The following NPNT variants were observed in gnomAD, a reference collection of about 807,000 sequenced individuals.
NPNT encodes the protein nephronectin.
Under a neutral mutation model 68.6 loss-of-function variants are expected in NPNT, and 45 were observed. The observed-to-expected ratio is 0.66, with a 90% CI of 0.52 to 0.84. The LOEUF is 0.84. NPNT is among the 40% of genes least tolerant of loss of function. NPNT has a pLI of 0.00. For synonymous variants in NPNT, 233 were observed against 253.3 expected (o/e 0.92, Z 0.76); for missense variants, 672 against 714.8 (o/e 0.94, Z 0.68).
At chr4:105,923,345 G>A (rs1728405946) in intron 2 of NPNT, among the ~76,000 whole-genome samples, 1 of 151,966 alleles carries the variant, frequency 6.6e-6, no homozygotes, top group Non-Finnish European at 1.5e-5. Context: ...TGAGTATATG[G>A]TATTGTAGGT....
intron 2 of NPNT, among the ~76,000 whole-genome samples, chr4:105,903,797 T>G (rs1726633782): frequency 6.6e-6 from 1 of 150,868 alleles, no homozygotes; most frequent in Non-Finnish European, 1.5e-5. Flanking sequence ...TTTTTTTTTT[T>G]TTTTTGAGAT....
At chr4:105,933,319 G>T (rs1245281318) in intron 3 of NPNT, among the ~76,000 whole-genome samples, 2 of 152,166 alleles carry the variant, frequency 1.3e-5, no homozygotes, top group Non-Finnish European at 2.9e-5. Context: ...TCTTCGTCAT[G>T]CTGGAAAGCT....
Position 105,947,766 on chromosome 4 carries a change from T to C in NPNT, c.1159+5064T>C, listed in dbSNP as rs77560570. The stretch of plus-strand genomic sequence containing the variant: ...TCTTGTTGACTGGTCCTTTGAACAT[T>C]CTTTATTTTCCAAATCTGTCACAAA... On this transcript the variant is annotated intron_variant, in intron 8 of 11. Transcript: ENST00000379987. Among the ~76,000 whole-genome samples the C allele has an allele frequency of 1.3e-3, 195 of 152,292 alleles. 2 individuals carry two copies. The highest frequency in any genetic ancestry group is 4.5e-3 in the African/African-American group (185 of 41,556).
In NPNT at chr4:105,958,696, T is replaced by C. The variant is rs1000387215; in HGVS notation, c.1246+139T>C. On this transcript the variant is annotated intron_variant, in intron 9 of 11. Coordinates refer to ENST00000379987, the MANE Select transcript of NPNT (RefSeq NM_001033047.3). ...TTAACAACTCAGATTTTCTTTGTAG[T>C]TAAATCAGTTGAGCAAAAATAATTA... is the stretch of plus-strand genomic sequence containing the variant. 9.4e-6 allele frequency: 5 copies of C among 533,286 alleles called. No homozygotes were observed. In the African/African-American group the frequency reaches 9.7e-5, roughly 10 times the overall value. 33.0% of individuals were successfully genotyped at this position (533,286 alleles called of 1,614,324 possible). A position where few individuals can be genotyped will look rare whatever the true frequency, so the allele number is the denominator to read the frequency against.
At chr4:105,964,378 T>C (rs1337609583) in intron 10 of NPNT, among the ~76,000 whole-genome samples, 2 of 152,224 alleles carry the variant, frequency 1.3e-5, no homozygotes, top group Non-Finnish European at 2.9e-5. Context: ...CATTATTTAA[T>C]ATATGTTAGA....
At chr4:105,939,333 G>A (rs894789282) in intron 5 of NPNT, among the ~76,000 whole-genome samples, 2 of 152,190 alleles carry the variant, frequency 1.3e-5, no homozygotes, top group African/African-American at 2.4e-5. Flanking sequence ...AGGGCACTGC[G>A]GTGAGAGAGA....
intron 2 of NPNT, 129 bp from the exon 3 acceptor site, chr4:105,927,207 T>C (rs1728751063): frequency 1.7e-6 from 1 of 584,272 alleles, no homozygotes; most frequent in African/African-American, 1.9e-5. Flanking sequence ...ACTGATTTTG[T>C]ATACTTTGGC....
chr4:105,965,629 T>C (rs1365758265), intron 10 of NPNT, among the ~76,000 whole-genome samples: 67 of 152,134 alleles, frequency 4.4e-4, no homozygotes, highest in Admixed American at 4.1e-3. Flanking sequence ...TTAACCAGAG[T>C]ACCTGTGATG....
intron 2 of NPNT, among the ~76,000 whole-genome samples, chr4:105,900,776 G>A (rs747180814): frequency 4.7e-5 from 7 of 150,200 alleles, no homozygotes; most frequent in South Asian, 2.1e-4. Context: ...AGCATGACCC[G>A]TTCCAGAAAT....
intron 8 of NPNT, among the ~76,000 whole-genome samples, chr4:105,957,370 C>T (rs1196565387): frequency 6.6e-6 from 1 of 152,066 alleles, no homozygotes; most frequent in African/African-American, 2.4e-5. Context: ...CCACAGTGGT[C>T]GGCATCTGCT....
chr4:105,941,785 C>T (rs1479630877), intron 7 of NPNT, among the ~76,000 whole-genome samples: 1 of 152,152 alleles, frequency 6.6e-6, no homozygotes, highest in Non-Finnish European at 1.5e-5. Context: ...AGAACATTTA[C>T]TCAAGCTGTA....
rs774575903 is a variant in NPNT, at chr4:105,967,221, C to A, written c.1379C>A (p.Ala460Asp). 3 of 1,613,740 alleles carry A rather than the reference C, an allele frequency of 1.9e-6. No individual in the cohort carries two copies. In the African/African-American group the frequency reaches 4.0e-5, roughly 22 times the overall value. ...TATCTGACAGTGTCGGCAGCCAAAG[C>A]CCCAGGGGGAAAAGCTGCACGCTTG... The part of the protein sequence containing the change: ...GQYLTVSAAK[A>D]PGGKAARLVL... The change falls in exon 11 of 12, where the codon GCC becomes GAC. Residue 460 changes from alanine to aspartate, a missense_variant. Physicochemically the swap from Ala to Asp is moderately radical, Grantham distance 126. Transcript: ENST00000379987.
At chr4:105,953,403 A>G (rs1432387261) in intron 8 of NPNT, among the ~76,000 whole-genome samples, 2 of 152,222 alleles carry the variant, frequency 1.3e-5, no homozygotes, top group Non-Finnish European at 2.9e-5. Flanking sequence ...TATGGGATGA[A>G]AGCTTTGACA....
chr4:105,919,263 C>T (rs1015001092), intron 2 of NPNT, among the ~76,000 whole-genome samples: 12 of 151,838 alleles, frequency 7.9e-5, no homozygotes, highest in African/African-American at 1.9e-4. Context: ...TCTTCCTTCC[C>T]GCCTCACCCT....
chr4:105,938,770 T>C (rs1729699781), intron 5 of NPNT, among the ~76,000 whole-genome samples: 1 of 152,166 alleles, frequency 6.6e-6, no homozygotes, highest in African/African-American at 2.4e-5. Context: ...AGCTAGATTG[T>C]ATGTGTTGTT....
chr4:105,924,011 C>G (rs1728477784), intron 2 of NPNT, among the ~76,000 whole-genome samples: 1 of 151,866 alleles, frequency 6.6e-6, no homozygotes, highest in Non-Finnish European at 1.5e-5. Context: ...ACACTTTGCA[C>G]TCACTAAGAA....
chr4:105,949,183 G>A (rs1578663874), intron 8 of NPNT, among the ~76,000 whole-genome samples: 1 of 152,132 alleles, frequency 6.6e-6, no homozygotes, highest in Non-Finnish European at 1.5e-5. Flanking sequence ...AGTTAAATAG[G>A]TTTCTTAACT....
intron 10 of NPNT, among the ~76,000 whole-genome samples, chr4:105,961,169 T>C (rs1218444599): frequency 2.0e-5 from 3 of 152,192 alleles, no homozygotes; most frequent in Admixed American, 1.3e-4. Context: ...AACCACTCTG[T>C]ACTACTCATG....
At chr4:105,953,280 A>G (rs747305385) in intron 8 of NPNT, among the ~76,000 whole-genome samples, 5 of 152,220 alleles carry the variant, frequency 3.3e-5, no homozygotes, top group African/African-American at 4.8e-5. Context: ...AATTGGGCTC[A>G]TTGTTGATTA....
Sources: gnomAD v4.1 joint callset for allele counts (sites outside exome capture counted in the v4.1 genomes callset) on GRCh38, gnomAD v4.1.1 for gene constraint, MANE v1.5 for transcripts, NCBI Gene and HGNC (gene_info 2026-07-23, HGNC 2026-07-21) for gene names.